The following BCKDHB variants were observed in gnomAD, a reference collection of about 807,000 sequenced individuals.
BCKDHB encodes the protein 2-oxoisovalerate dehydrogenase subunit beta, mitochondrial.
Under a neutral mutation model 48.5 loss-of-function variants are expected in BCKDHB, and 41 were observed. That is an observed-to-expected ratio of 0.85 (90% CI 0.66 to 1.10). BCKDHB has a LOEUF of 1.10. Among genes scored for constraint, BCKDHB ranks in the 50% least tolerant of loss-of-function variants. The pLI is 0.00. For missense variants in BCKDHB, 496 were observed against 494.2 expected, an observed-to-expected ratio of 1.00 and a Z score of -0.03; for synonymous variants, 201 against 174.8, an observed-to-expected ratio of 1.15 and a Z score of -1.18.
In BCKDHB at chr6:80,116,906, A is replaced by G. The variant is rs117253011; in HGVS notation, c.196+10017A>G. On this transcript the variant is annotated intron_variant, in intron 1 of 9. Coordinates refer to ENST00000320393, the MANE Select transcript of BCKDHB (RefSeq NM_183050.4). Reference sequence around the variant, plus strand: ...AGTACAGCTTTGGTTAGCACATGCTATAAGTAGGTTTATCTTACTATGGCA... The same window carrying G: ...AGTACAGCTTTGGTTAGCACATGCTGTAAGTAGGTTTATCTTACTATGGCA... Among the ~76,000 whole-genome samples, 329 of 152,336 alleles carry G rather than the reference A, an allele frequency of 2.2e-3. 2 individuals carry two copies. Among genetic ancestry groups the G allele is most frequent in the Non-Finnish European group, 3.7e-3 (254 of 68,026 alleles).
At chr6:80,200,488 C>T (rs1175144865) in intron 6 of BCKDHB, among the ~76,000 whole-genome samples, 1 of 152,118 alleles carries the variant, frequency 6.6e-6, no homozygotes, top group Non-Finnish European at 1.5e-5. Flanking sequence ...AAAGTTTTAT[C>T]ACATGTAATA....
the BCKDHB span, among the ~76,000 whole-genome samples, chr6:80,367,300 TACC>T: frequency 1.8e-4 from 28 of 152,158 alleles, no homozygotes; most frequent in African/African-American, 6.5e-4. Flanking sequence ...GAATAAATTT[TACC>T]ACTTTTCTTC....
At chr6:80,398,857 C>T in the BCKDHB span, among the ~76,000 whole-genome samples, 1 of 151,998 alleles carries the variant, frequency 6.6e-6, no homozygotes, top group Non-Finnish European at 1.5e-5. Flanking sequence ...CAAAATACTT[C>T]CAAAATGAAT....
chr6:80,179,660 A>C (rs1168269647), intron 6 of BCKDHB, among the ~76,000 whole-genome samples: 4 of 152,192 alleles, frequency 2.6e-5, no homozygotes, highest in African/African-American at 9.7e-5. Context: ...AAGGTAGTAC[A>C]TCCCTATGTA....
chr6:80,179,531 A>C (rs1773315464), intron 6 of BCKDHB, among the ~76,000 whole-genome samples: 1 of 152,150 alleles, frequency 6.6e-6, no homozygotes, highest in Non-Finnish European at 1.5e-5. Context: ...GTTCTATGCA[A>C]ATCCTGTGCC....
intron 8 of BCKDHB, among the ~76,000 whole-genome samples, chr6:80,230,290 G>A (rs1053285566): frequency 3.3e-5 from 5 of 151,498 alleles, no homozygotes; most frequent in Admixed American, 3.3e-4. Flanking sequence ...CGCCCGCCTC[G>A]GCCTCCCAAA....
chr6:80,149,719 A>G (rs1411399758), intron 3 of BCKDHB, among the ~76,000 whole-genome samples: 3 of 151,028 alleles, frequency 2.0e-5, no homozygotes, highest in African/African-American at 4.9e-5. Context: ...TCAGTAAACT[A>G]TCACAAGAAC....
At chr6:80,233,446 A>G (rs1776017328) in intron 8 of BCKDHB, among the ~76,000 whole-genome samples, 1 of 152,168 alleles carries the variant, frequency 6.6e-6, no homozygotes, top group Non-Finnish European at 1.5e-5. Flanking sequence ...CTAAACATTC[A>G]CATTCTTTTA....
intron 9 of BCKDHB, among the ~76,000 whole-genome samples, chr6:80,287,127 T>C (rs660208): frequency 0.8 from 121,317 of 152,060 alleles, 48,577 homozygotes; most frequent in Admixed American, 0.87. Flanking sequence ...TCCCACCAAG[T>C]TCCTAAATTC....
chr6:80,232,573 T>A (rs1306782515), intron 8 of BCKDHB, among the ~76,000 whole-genome samples: 1 of 150,842 alleles, frequency 6.6e-6, no homozygotes, highest in Non-Finnish European at 1.5e-5. Flanking sequence ...TACATTTGTA[T>A]ATGTATGTGT....
At chr6:80,307,011 C>T (rs1463951663) in intron 9 of BCKDHB, among the ~76,000 whole-genome samples, 1 of 152,156 alleles carries the variant, frequency 6.6e-6, no homozygotes, top group African/African-American at 2.4e-5. Context: ...AGATATGTTC[C>T]TCATATTGAG....
chr6:80,382,626 G>C, the BCKDHB span, among the ~76,000 whole-genome samples: 1 of 152,164 alleles, frequency 6.6e-6, no homozygotes, highest in African/African-American at 2.4e-5. Flanking sequence ...GCAGGGGATT[G>C]ATTATATTCT....
At chr6:80,427,706 A>T in the BCKDHB span, among the ~76,000 whole-genome samples, 1 of 152,056 alleles carries the variant, frequency 6.6e-6, no homozygotes, top group East Asian at 1.9e-4. Flanking sequence ...TTAAATCTTC[A>T]TTTGCTAAGA....
chr6:80,254,251 T>C (rs1776956878), intron 8 of BCKDHB, among the ~76,000 whole-genome samples: 2 of 152,024 alleles, frequency 1.3e-5, no homozygotes, highest in African/African-American at 4.8e-5. Context: ...ATTGTATCTC[T>C]TAAGGTACAT....
chr6:80,435,209 A>G, the BCKDHB span, among the ~76,000 whole-genome samples: 1 of 152,208 alleles, frequency 6.6e-6, no homozygotes, highest in Non-Finnish European at 1.5e-5. Context: ...ATTACGTCAC[A>G]TGAACCTCTA....
chr6:80,342,551 T>A (rs1769961463), intron 9 of BCKDHB, among the ~76,000 whole-genome samples: 1 of 87,874 alleles, frequency 1.1e-5, no homozygotes, highest in African/African-American at 4.2e-5. Flanking sequence ...GAAGACCTCA[T>A]TTCTGAAAAA....
intron 8 of BCKDHB, among the ~76,000 whole-genome samples, chr6:80,262,410 A>G (rs1330468922): frequency 1.3e-5 from 2 of 152,168 alleles, no homozygotes; most frequent in Non-Finnish European, 2.9e-5. Context: ...CCAGAAGTCC[A>G]GTATTTTACA....
chr6:80,366,331 G>A, the BCKDHB span, among the ~76,000 whole-genome samples: 1 of 152,094 alleles, frequency 6.6e-6, no homozygotes, highest in Non-Finnish European at 1.5e-5. Context: ...GAGTTTGAAT[G>A]TTTAGTATAC....
chr6:80,444,818 G>T, the BCKDHB span, among the ~76,000 whole-genome samples: 2,212 of 152,262 alleles, frequency 0.015, 50 homozygotes, highest in African/African-American at 0.05. Flanking sequence ...CATAAACACA[G>T]TTATACTTGT....
Sources: gnomAD v4.1 joint callset for allele counts (sites outside exome capture counted in the v4.1 genomes callset) on GRCh38, gnomAD v4.1.1 for gene constraint, MANE v1.5 for transcripts, NCBI Gene and HGNC (gene_info 2026-07-23, HGNC 2026-07-21) for gene names.